Variants in LHX1 observed in about 807,000 individuals in gnomAD.
LHX1 encodes the protein LIM/homeobox protein Lhx1.
LHX1 carries 9 observed loss-of-function variants against 34.1 expected under a neutral mutation model. That is an observed-to-expected ratio of 0.26 (90% CI 0.16 to 0.46). The LOEUF is 0.46. Among genes scored for constraint, LHX1 ranks in the 20% least tolerant of loss-of-function variants. The probability of loss-of-function intolerance (pLI) is 1.00; values close to 1 mark genes in which losing one functional copy is unlikely to be tolerated. For missense variants in LHX1, 446 were observed against 559.1 expected, an observed-to-expected ratio of 0.80 and a Z score of 2.04; for synonymous variants, 254 against 241.5, an observed-to-expected ratio of 1.05 and a Z score of -0.48.
rs1030764730 is a variant in LHX1, at chr17:36,942,935, G to C, written c.1025G>C (p.Arg342Pro). The C allele has an allele frequency of 4.4e-6, 7 of 1,606,938 alleles. No individual in the cohort carries two copies. The African/African-American group carries it at 9.4e-5, about 21-fold the overall frequency. The change falls in exon 5 of 5, where the codon CGG becomes CCG. Residue 342 changes from arginine (R) to proline (P), a missense_variant. Transcript: ENST00000614239. Reference sequence around the variant, plus strand: ...CACCACCCGTCGAGCGAGGCGCAGCGGTTTACCGACATCCTGGCGCACCCA... The same window carrying C: ...CACCACCCGTCGAGCGAGGCGCAGCCGTTTACCGACATCCTGGCGCACCCA... ...PGHHPSSEAQ[R>P]FTDILAHPPG...
In LHX1 at chr17:36,938,314, C is replaced by G; in HGVS notation, c.117C>G (p.Thr39=). The change falls in exon 1 of 5, where the codon ACC becomes ACG. Residue 39 remains threonine, a synonymous_variant. Transcript: ENST00000614239. ...VQCCECKCNL[T]EKCFSREGKL... ...GCTGTGAATGTAAATGCAACCTGAC[C>G]GAGAAGTGCTTCTCCAGGGAAGGCA... 1 of 1,614,194 alleles carries G rather than the reference C, an allele frequency of 6.2e-7. No individual in the cohort carries two copies. Among genetic ancestry groups the G allele is most frequent in the East Asian group, 2.2e-5 (1 of 44,882 alleles).
In LHX1 at chr17:36,938,149, T is replaced by C. The variant is rs1185828154; in HGVS notation, c.-49T>C. On this transcript the variant is annotated 5_prime_UTR_variant, in exon 1 of 5. Transcript: ENST00000614239. ...TCTTCAGGAGTCATCCCCTGGGCTC[T>C]ACTTTGCCCCTCTCTCTCTCTGGGC... is the stretch of plus-strand genomic sequence containing the variant. 1 of 1,596,942 alleles carries C rather than the reference T, an allele frequency of 6.3e-7. No individual in the cohort carries two copies. Among genetic ancestry groups the C allele is most frequent in the South Asian group, 1.1e-5 (1 of 90,684 alleles).
chr17:36,943,106 A>G lies in LHX1; in HGVS notation c.1196A>G (p.Glu399Gly). The G allele has an allele frequency of 6.2e-7, 1 of 1,612,164 alleles. No homozygotes were observed. Among genetic ancestry groups the G allele is most frequent in the Non-Finnish European group, 8.5e-7 (1 of 1,179,744 alleles). The change falls in exon 5 of 5, where the codon GAA becomes GGA. Residue 399 changes from glutamate (E) to glycine (G), a missense_variant. Around this residue, in one of 3 missense-constraint regions of LHX1, gnomAD observed 235 missense variants for 224.4 expected, o/e 1.05. Coordinates refer to ENST00000614239, the MANE Select transcript of LHX1 (RefSeq NM_005568.5). ...SYGNHLSHPP[E>G]MNEAAVW ...GGAAACCACCTGTCCCACCCCCCCG[A>G]AATGAACGAGGCGGCCGTGTGGTAG... is the stretch of plus-strand genomic sequence containing the variant.
In LHX1 at chr17:36,943,226, CA is replaced by C; in HGVS notation, c.*96del. 1 of 1,374,910 alleles carries C rather than the reference CA, an allele frequency of 7.3e-7. No individual in the cohort carries two copies. The highest frequency in any genetic ancestry group is 9.8e-7 in the Non-Finnish European group (1 of 1,018,666). 85.2% of individuals were successfully genotyped at this position (1,374,910 alleles called of 1,614,324 possible). ...AAAAAAAACATAAAAAGCAAGTCCC[CA>C]CCCCCTTCCTCCAGCCTCGAGAACC... On this transcript the variant is annotated 3_prime_UTR_variant, in exon 5 of 5. Coordinates refer to ENST00000614239, the MANE Select transcript of LHX1 (RefSeq NM_005568.5).
chr17:36,937,246 G>A (rs1183783158), upstream of LHX1: 1 of 452,062 alleles, frequency 2.2e-6, no homozygotes, highest in East Asian at 7.2e-5. Context: ...GCCAGGCGCG[G>A]TGAGAAGCCA....
Position 36,937,587 on chromosome 17 carries a change from G to A in LHX1, c.-611G>A. On this transcript the variant is annotated 5_prime_UTR_variant, in exon 1 of 5. Transcript: ENST00000614239. ...GCGTCCAGACCCGCGGCGCGATGCC[G>A]GCAGTTTAGGATCCAAAGCTTCTCT... 2 of 314,036 alleles carry A rather than the reference G, an allele frequency of 6.4e-6. No homozygotes were observed. Among genetic ancestry groups the A allele is most frequent in the East Asian group, 1.0e-4 (1 of 9,534 alleles). The allele number at this position is 314,036 out of a possible 1,614,324, so 19.5% of individuals were successfully genotyped here. A position where few individuals can be genotyped will look rare whatever the true frequency, so the allele number is the denominator to read the frequency against.
Position 36,940,309 on chromosome 17 carries a change from G to A in LHX1, c.190G>A (p.Ala64Thr), listed in dbSNP as rs1265536912. The A allele has an allele frequency of 1.3e-6, 2 of 1,511,474 alleles. No individual in the cohort carries two copies. The highest frequency in any genetic ancestry group is 2.4e-5 in the East Asian group (1 of 41,582). The allele number at this position is 1,511,474 out of a possible 1,614,324, so 93.6% of individuals were successfully genotyped here. A position where few individuals can be genotyped will look rare whatever the true frequency, so the allele number is the denominator to read the frequency against. The change falls in exon 2 of 5, where the codon GCA becomes ACA. Residue 64 changes from alanine (A) to threonine (T), a missense_variant. By Grantham distance (58) the Ala-to-Thr change is moderately conservative. Around this residue, in one of 3 missense-constraint regions of LHX1, gnomAD observed 168 missense variants for 226.6 expected, o/e 0.74. Transcript: ENST00000614239. Reference sequence around the variant, plus strand: ...CCGCAGGTGTTTCGGTACCAAATGCGCAGGCTGCGCTCAGGGCATCTCCCC... The same window carrying A: ...CCGCAGGTGTTTCGGTACCAAATGCACAGGCTGCGCTCAGGGCATCTCCCC... The part of the protein sequence containing the change: ...DFFRCFGTKC[A>T]GCAQGISPSD...
Position 36,940,827 on chromosome 17 carries a change from C to T in LHX1, c.615C>T (p.Pro205=). The T allele has an allele frequency of 1.9e-6, 3 of 1,561,588 alleles. No individual in the cohort carries two copies. The highest frequency in any genetic ancestry group is 2.6e-6 in the Non-Finnish European group (3 of 1,156,582). The change falls in exon 3 of 5, where the codon CCC becomes CCT. Residue 205 remains proline (P), a synonymous_variant. Transcript: ENST00000614239. ...LKAAFAATPK[P]TRHIREQLAQ... is the part of the protein sequence containing the mutation. ...CCGCCTTCGCTGCTACACCCAAGCC[C>T]ACCCGCCACATCCGCGAGCAGCTGG...
Position 36,943,750 on chromosome 17 carries a change from A to C in LHX1, c.*619A>C, listed in dbSNP as rs2070784584. 1 of 152,170 alleles carries C rather than the reference A, an allele frequency of 6.6e-6. No homozygotes were observed. The highest frequency in any genetic ancestry group is 2.4e-5 in the African/African-American group (1 of 41,436). The allele number at this position is 152,170 out of a possible 1,614,324, so 9.4% of individuals were successfully genotyped here. A position where few individuals can be genotyped will look rare whatever the true frequency, so the allele number is the denominator to read the frequency against. Reference sequence around the variant, plus strand: ...ATTTTTGGTTTTTGTTTTTGCCAAAATTGCAAAATTCTAAATGTAAAGCCC... The same window carrying C: ...ATTTTTGGTTTTTGTTTTTGCCAAACTTGCAAAATTCTAAATGTAAAGCCC... On this transcript the variant is annotated 3_prime_UTR_variant, in exon 5 of 5. Transcript: ENST00000614239.
chr17:36,940,516 G>T lies in LHX1; in HGVS notation c.397G>T (p.Ala133Ser). The T allele has an allele frequency of 1.2e-6, 2 of 1,613,872 alleles. No individual in the cohort carries two copies. The highest frequency in any genetic ancestry group is 1.7e-6 in the Non-Finnish European group (2 of 1,180,030). ...TGCCAAAGAGAACAGCCTTCACTCG[G>T]GTGAGGCCCCAATTCCTGGCTGGCT... is the stretch of plus-strand genomic sequence containing the variant. ...SVAKENSLHS[A>S]TTGSDPSLSP... Residue 133 changes from alanine (A) to serine (S), a missense_variant and splice_region_variant, in exon 2 of 5, where the codon GCC (alanine) becomes TCC (serine). Transcript: ENST00000614239.
Position 36,940,506 on chromosome 17 carries a change from C to A in LHX1, c.387C>A (p.Ser129Arg). ...ACAGCAGTGTTGCCAAAGAGAACAG[C>A]CTTCACTCGGGTGAGGCCCCAATTC... ...LSNSSVAKENSLHSATTGSDP... is the reference protein window; with the variant it reads ...LSNSSVAKENRLHSATTGSDP... Residue 129 changes from serine to arginine, a missense_variant, in exon 2 of 5, where the codon AGC becomes AGA. Coordinates refer to ENST00000614239, the MANE Select transcript of LHX1 (RefSeq NM_005568.5). 1 of 1,613,926 alleles carries A rather than the reference C, an allele frequency of 6.2e-7. No homozygotes were observed. The highest frequency in any genetic ancestry group is 1.1e-5 in the South Asian group (1 of 91,090).
At chr17:36,940,041 C>T (rs2070753973) in intron 1 of LHX1, 1 of 596,660 alleles carries the variant, frequency 1.7e-6, no homozygotes, top group Non-Finnish European at 3.0e-6. Flanking sequence ...GCTCTAACCG[C>T]GTGTATCCCC....
At position 36,943,953 on chromosome 17, in the gene LHX1, T is replaced by C. The variant is rs2070786340; in HGVS notation, c.*822T>C. The C allele has an allele frequency of 6.6e-6, 1 of 150,534 alleles. No homozygotes were observed. The highest frequency in any genetic ancestry group is 2.1e-4 in the South Asian group (1 of 4,792). 9.3% of individuals were successfully genotyped at this position (150,534 alleles called of 1,614,324 possible). ...AAGTTAAAAAAAAAAAAAAAGACTATTGAACTAAAAACAGTCAACTGTTTA... is the reference window on the plus strand; with the variant it reads ...AAGTTAAAAAAAAAAAAAAAGACTACTGAACTAAAAACAGTCAACTGTTTA... On this transcript the variant is annotated 3_prime_UTR_variant, in exon 5 of 5. Transcript: ENST00000614239.
At position 36,940,407 on chromosome 17, in the gene LHX1, G is replaced by A. The variant is rs1320661828; in HGVS notation, c.288G>A (p.Lys96=). The A allele has an allele frequency of 5.0e-6, 8 of 1,614,124 alleles. No homozygotes were observed. Among genetic ancestry groups the A allele is most frequent in the South Asian group, 3.3e-5 (3 of 91,080 alleles). ...LNCFTCMMCN[K]QLSTGEELYI... is the part of the protein sequence containing the mutation. Reference sequence around the variant, plus strand: ...GCTTCACCTGCATGATGTGTAACAAGCAGCTCTCCACTGGCGAGGAACTCT... The same window carrying A: ...GCTTCACCTGCATGATGTGTAACAAACAGCTCTCCACTGGCGAGGAACTCT... Residue 96 remains lysine, a synonymous_variant, in exon 2 of 5, where the codon AAG becomes AAA. Transcript: ENST00000614239.
rs2070780102 is a variant in LHX1, at chr17:36,943,208, A to C, written c.*77A>C. The C allele has an allele frequency of 6.6e-7, 1 of 1,504,666 alleles. No homozygotes were observed. Among genetic ancestry groups the C allele is most frequent in the Non-Finnish European group, 8.9e-7 (1 of 1,121,552 alleles). The allele number at this position is 1,504,666 out of a possible 1,614,324, so 93.2% of individuals were successfully genotyped here. A position where few individuals can be genotyped will look rare whatever the true frequency, so the allele number is the denominator to read the frequency against. On this transcript the variant is annotated 3_prime_UTR_variant, in exon 5 of 5. Transcript: ENST00000614239. ...ATTTAAGAAAAATAGAAAAAAAAAA[A>C]CATAAAAAGCAAGTCCCCACCCCCT...
upstream of LHX1, chr17:36,937,299 G>A: frequency 4.7e-6 from 2 of 426,842 alleles, no homozygotes; most frequent in South Asian, 1.6e-5. Context: ...AGGGAGGGTC[G>A]CCCTGAGGAC....
rs1405439136 is a variant in LHX1, at chr17:36,940,785, G to A, written c.573G>A (p.Gln191=). Residue 191 remains glutamine, a synonymous_variant, in exon 3 of 5, where the codon CAG becomes CAA. Coordinates refer to ENST00000614239, the MANE Select transcript of LHX1 (RefSeq NM_005568.5). ...CGCGCACCACCATCAAAGCCAAGCA[G>A]CTGGAGACGCTGAAGGCCGCCTTCG... is the stretch of plus-strand genomic sequence containing the variant. ...RGPRTTIKAK[Q]LETLKAAFAA... 1.2e-6 allele frequency: 2 copies of A among 1,613,046 alleles called. No individual in the cohort carries two copies. The highest frequency in any genetic ancestry group is 1.7e-6 in the Non-Finnish European group (2 of 1,180,006).
rs2070744598 is a variant in LHX1, at chr17:36,938,563, G to C, written c.170+196G>C. ...GGGACGCGGCCCTGCTTGCATCCTG[G>C]AAACTATGGGTCTGGGTTTGGCTGC... On this transcript the variant is annotated intron_variant, in intron 1 of 4. Coordinates refer to ENST00000614239, the MANE Select transcript of LHX1 (RefSeq NM_005568.5). The C allele has an allele frequency of 7.4e-6, 5 of 675,316 alleles. No homozygotes were observed. The East Asian group carries it at 1.4e-4, about 18-fold the overall frequency. The allele number at this position is 675,316 out of a possible 1,614,324, so 41.8% of individuals were successfully genotyped here.
chr17:36,942,717 C>A, intron 4 of LHX1, 35 bp from the exon 5 acceptor site: 1 of 1,458,632 alleles, frequency 6.9e-7, no homozygotes, highest in Non-Finnish European at 9.0e-7. Flanking sequence ...CCCGGCCGGG[C>A]CCTGACGTCC....
Sources: gnomAD v4.1 joint callset for allele counts on GRCh38, gnomAD v4.1.1 for gene constraint, gnomAD v4.1.1 regional missense constraint, MANE v1.5 for transcripts, NCBI Gene and HGNC (gene_info 2026-07-23, HGNC 2026-07-21) for gene names.